Variants in STK4 observed in about 807,000 individuals in gnomAD.
STK4 encodes serine/threonine-protein kinase 4.
In STK4, 30 loss-of-function variants were observed where a neutral mutation model predicts 64.9. The observed-to-expected ratio is 0.46, with a 90% confidence interval of 0.35 to 0.63. STK4 has a LOEUF of 0.63. Among genes scored for constraint, STK4 ranks in the 20% least tolerant of loss-of-function variants. STK4 has a pLI of 0.01. For missense variants in STK4, 466 were observed against 598.5 expected (o/e 0.78, Z 2.31); for synonymous variants, 177 against 199.0 (o/e 0.89, Z 0.93).
Position 44,978,452 on chromosome 20 carries a change from C to T in STK4, c.126C>T (p.Gly42=), listed in dbSNP as rs370431590. Residue 42 remains glycine, a synonymous_variant, in exon 3 of 11, where the codon GGC becomes GGT. Coordinates refer to ENST00000372806, the MANE Select transcript of STK4 (RefSeq NM_006282.5). ...VLEKLGEGSY[G]SVYKAIHKET... is the part of the protein sequence containing the mutation. The stretch of plus-strand genomic sequence containing the variant: ...TCTCCCAAATGTATAGGTCCTATGG[C>T]AGCGTATACAAAGCTATTCATAAAG... 2 of 1,613,422 alleles carry T rather than the reference C, an allele frequency of 1.2e-6. No individual in the cohort carries two copies. Among genetic ancestry groups the T allele is most frequent in the Non-Finnish European group, 1.7e-6 (2 of 1,179,738 alleles).
At chr20:45,023,794 C>A (rs1026307113) in intron 9 of STK4, among the ~76,000 whole-genome samples, 2 of 151,962 alleles carry the variant, frequency 1.3e-5, no homozygotes, top group Non-Finnish European at 2.9e-5. Flanking sequence ...CATCTAAGTC[C>A]CCTTTTACCA....
chr20:45,065,931 T>C (rs999938374), intron 10 of STK4, among the ~76,000 whole-genome samples: 1 of 152,128 alleles, frequency 6.6e-6, no homozygotes, highest in African/African-American at 2.4e-5. Context: ...GGTTTGCTTT[T>C]CTTTCTCTAG....
intron 6 of STK4, 57 bp downstream of exon 6, chr20:44,995,314 G>C: frequency 1.9e-6 from 3 of 1,548,356 alleles, no homozygotes; most frequent in Non-Finnish European, 2.6e-6. Context: ...TCATTAAAAA[G>C]TGAAGTTCAA....
chr20:45,052,570 T>C (rs1244484605), intron 10 of STK4, among the ~76,000 whole-genome samples: 2 of 152,210 alleles, frequency 1.3e-5, no homozygotes, highest in East Asian at 3.8e-4. Context: ...TTCAGGTCGT[T>C]CTAATATATT....
chr20:45,018,938 C>T (rs1183498618), intron 9 of STK4, among the ~76,000 whole-genome samples: 3 of 152,044 alleles, frequency 2.0e-5, no homozygotes, highest in Non-Finnish European at 4.4e-5. Flanking sequence ...CACTATGTTG[C>T]TCAGGCTAGT....
intron 9 of STK4, among the ~76,000 whole-genome samples, chr20:45,013,537 T>A (rs2068090052): frequency 6.6e-6 from 1 of 152,186 alleles, no homozygotes; most frequent in South Asian, 2.1e-4. Flanking sequence ...TGTTTTTTAA[T>A]AGCAAATGTA....
intron 10 of STK4, among the ~76,000 whole-genome samples, chr20:45,053,683 A>G (rs987206207): frequency 2.0e-5 from 3 of 152,294 alleles, no homozygotes; most frequent in South Asian, 4.1e-4. Context: ...GTCTCTCTCA[A>G]TCATCTGTTC....
At chr20:45,065,608 T>TCTGCTC (rs1979497812) in intron 10 of STK4, among the ~76,000 whole-genome samples, 3 of 147,764 alleles carry the variant, frequency 2.0e-5, no homozygotes, top group Non-Finnish European at 4.5e-5. Flanking sequence ...TGTGAATCCA[T>TCTGCTC]CTGGTCCTGG....
intron 10 of STK4, among the ~76,000 whole-genome samples, chr20:45,060,878 T>C (rs6031962): frequency 8.5e-5 from 13 of 152,336 alleles, no homozygotes; most frequent in African/African-American, 2.9e-4. Context: ...GCATGCCATA[T>C]ACTTTTTTTG....
intron 6 of STK4, among the ~76,000 whole-genome samples, chr20:44,995,475 G>A (rs760648239): frequency 3.7e-4 from 56 of 151,832 alleles, no homozygotes; most frequent in Admixed American, 2.6e-4. Flanking sequence ...GTGTGGTGGC[G>A]TGCGCCTGTA....
At chr20:44,973,564 G>A (rs1349391946) in intron 2 of STK4, 1 of 152,222 alleles carries the variant, frequency 6.6e-6, no homozygotes, top group Non-Finnish European at 1.5e-5. Flanking sequence ...GTTATACTTA[G>A]AATAAGTTCA....
intron 1 of STK4, chr20:44,967,345 C>A: frequency 1.7e-6 from 1 of 591,546 alleles, no homozygotes; most frequent in Non-Finnish European, 2.1e-6. Context: ...GTGTTTCCTT[C>A]TTTACTCCGG....
In STK4 at chr20:44,981,680, G is replaced by T. The variant is rs569030097; in HGVS notation, c.246-149G>T. On this transcript the variant is annotated intron_variant, in intron 3 of 10. Transcript: ENST00000372806. Reference sequence around the variant, plus strand: ...CCCTCCAGAAAAGCTATACCATTTTGCATTCTTATCAGGAGGTTGTCCATT... The same window carrying T: ...CCCTCCAGAAAAGCTATACCATTTTTCATTCTTATCAGGAGGTTGTCCATT... 8 of 509,742 alleles carry T rather than the reference G, an allele frequency of 1.6e-5. No homozygotes were observed. In the East Asian group the frequency reaches 1.8e-4, roughly 12 times the overall value. The allele number at this position is 509,742 out of a possible 1,614,324, so 31.6% of individuals were successfully genotyped here.
intron 10 of STK4, among the ~76,000 whole-genome samples, chr20:45,048,566 C>T (rs1229176539): frequency 2.6e-5 from 4 of 151,700 alleles, no homozygotes; most frequent in African/African-American, 9.7e-5. Context: ...AGTGCAGTGG[C>T]GTGGTCTTGG....
At position 45,001,251 on chromosome 20, in the gene STK4, G is replaced by A. The variant is rs930004106; in HGVS notation, c.1045G>A (p.Asp349Asn). 3.7e-6 allele frequency: 6 copies of A among 1,614,100 alleles called. No homozygotes were observed. The highest frequency in any genetic ancestry group is 3.3e-5 in the Admixed American group (2 of 60,002). The change falls in exon 9 of 11, where the codon GAT becomes AAT. Residue 349 changes from aspartate (D) to asparagine (N), a missense_variant. Physicochemically the swap from Asp to Asn is conservative, Grantham distance 23. This residue lies in a region of STK4 where 276 missense variants were observed against 308.9 expected (regional missense o/e 0.89). Coordinates refer to ENST00000372806, the MANE Select transcript of STK4 (RefSeq NM_006282.5). ...TGTCCGAGTAGCCAGCACCATGACT[G>A]ATGGAGCCAATACTATGATTGAGCA... ...GTVRVASTMT[D>N]GANTMIEHDD...
At chr20:44,995,891 T>C (rs2067721777) in intron 6 of STK4, among the ~76,000 whole-genome samples, 1 of 152,174 alleles carries the variant, frequency 6.6e-6, no homozygotes, top group Non-Finnish European at 1.5e-5. Flanking sequence ...GACAACCACA[T>C]TTTAACATGT....
chr20:45,038,164 T>C (rs1239078699), intron 10 of STK4, among the ~76,000 whole-genome samples: 1 of 152,138 alleles, frequency 6.6e-6, no homozygotes, highest in East Asian at 1.9e-4. Context: ...GTCCCATTAC[T>C]CAGTTACAAC....
At chr20:44,991,673 G>A (rs6031920) in intron 5 of STK4, among the ~76,000 whole-genome samples, 10 of 144,560 alleles carry the variant, frequency 6.9e-5, no homozygotes, top group African/African-American at 2.3e-4. Flanking sequence ...TTTTTTTTTT[G>A]TTTTTGGGAG....
intron 3 of STK4, among the ~76,000 whole-genome samples, chr20:44,980,163 A>G (rs1469044301): frequency 6.6e-6 from 1 of 152,228 alleles, no homozygotes; most frequent in Non-Finnish European, 1.5e-5. Context: ...ATATTCCAGT[A>G]GTAAATACTT....
Sources: gnomAD v4.1 joint callset for allele counts (sites outside exome capture counted in the v4.1 genomes callset) on GRCh38, gnomAD v4.1.1 for gene constraint, gnomAD v4.1.1 regional missense constraint, MANE v1.5 for transcripts, NCBI Gene and HGNC (gene_info 2026-07-23, HGNC 2026-07-21) for gene names.